The following ASIC2 variants were observed in gnomAD, a reference collection of about 807,000 sequenced individuals.
ASIC2 encodes the protein acid-sensing ion channel 2.
In ASIC2, 25 loss-of-function variants were observed where a neutral mutation model predicts 57.3. The ratio of observed to expected loss-of-function variants is 0.44; its 90% CI spans 0.32 to 0.61. ASIC2 has a LOEUF of 0.61. Among genes scored for constraint, ASIC2 ranks in the 20% least tolerant of loss-of-function variants. The pLI is 0.06. For missense variants in ASIC2, 641 were observed against 738.1 expected (o/e 0.87, Z 1.52); for synonymous variants, 319 against 307.5 (o/e 1.04, Z -0.39).
rs895220502 is a variant in ASIC2, at chr17:33,737,249, A to G, written c.555+418729T>C. ...TGATCAAAAAATAGACTCATTTTACATTTTAATCATCAGTCTCATCAGATT... is the reference window on the plus strand; with the variant it reads ...TGATCAAAAAATAGACTCATTTTACGTTTTAATCATCAGTCTCATCAGATT... On this transcript the variant is annotated intron_variant, in intron 1 of 9. Transcript: ENST00000359872. Among the ~76,000 whole-genome samples, 4 of 152,236 alleles carry G rather than the reference A, an allele frequency of 2.6e-5. No homozygotes were observed. In the East Asian group the frequency reaches 7.7e-4, roughly 29 times the overall value.
At chr17:33,837,037 G>C (rs1913294939) in intron 1 of ASIC2, among the ~76,000 whole-genome samples, 1 of 152,172 alleles carries the variant, frequency 6.6e-6, no homozygotes. Context: ...AGTTCCTACA[G>C]CCTTTTCTTG....
At chr17:33,445,662 C>T (rs918022439) in intron 1 of ASIC2, among the ~76,000 whole-genome samples, 15 of 151,648 alleles carry the variant, frequency 9.9e-5, no homozygotes, top group East Asian at 3.9e-4. Flanking sequence ...CTGGGCGTGG[C>T]GGCTCATGCC....
At chr17:33,078,933 G>C (rs1364901216) in intron 3 of ASIC2, among the ~76,000 whole-genome samples, 2 of 152,198 alleles carry the variant, frequency 1.3e-5, no homozygotes, top group Non-Finnish European at 2.9e-5. Context: ...GCCTAAGTGG[G>C]GCAGTGTGTA....
chr17:33,869,409 A>C lies in ASIC2; in HGVS notation c.555+286569T>G, dbSNP rs528569733. ...TTTAGGTATATACTCAAGAGAAATA[A>C]AAACACATGCCTACATAAAACTTGT... On this transcript the variant is annotated intron_variant, in intron 1 of 9. Coordinates refer to the ASIC2 transcript ENST00000359872. Among the ~76,000 whole-genome samples, 5 of 152,342 alleles carry C rather than the reference A, an allele frequency of 3.3e-5. No individual in the cohort carries two copies. The South Asian group carries it at 1.0e-3, about 32-fold the overall frequency.
chr17:33,017,784 T>G, intron 7 of ASIC2, 100 bp from the exon 8 acceptor site: 1 of 1,090,944 alleles, frequency 9.2e-7, no homozygotes, highest in Non-Finnish European at 1.4e-6. Flanking sequence ...TGGCGCCCCC[T>G]CCATGGGGAG....
chr17:33,967,562 A>G (rs2141995994), intron 1 of ASIC2, among the ~76,000 whole-genome samples: 1 of 152,264 alleles, frequency 6.6e-6, no homozygotes, highest in African/African-American at 2.4e-5. Flanking sequence ...CACAACTTTG[A>G]AGGTGGCTCA....
rs574280995 is a variant in ASIC2 at position 33,547,188 on chromosome 17, T to C, written c.556-435121A>G. On this transcript the variant is annotated intron_variant, in intron 1 of 9. Coordinates refer to the ASIC2 transcript ENST00000359872. ...AGGAACTACAGTTTGAGAAGCACTG[T>C]CCTAGGAGACAGCACAGACACAACA... 7.9e-5 allele frequency among the ~76,000 whole-genome samples: 12 copies of C among 152,222 alleles called. No individual in the cohort carries two copies. The East Asian group carries it at 2.3e-3, about 29-fold the overall frequency.
intron 2 of ASIC2, 103 bp downstream of exon 2, chr17:33,111,814 A>G: frequency 2.1e-6 from 3 of 1,455,762 alleles, no homozygotes; most frequent in Non-Finnish European, 2.8e-6. Context: ...CTTGCTGGAG[A>G]GCAGTCCCTC....
Position 33,995,088 on chromosome 17 carries a change from T to C in ASIC2, c.555+160890A>G, listed in dbSNP as rs77346869. Among the ~76,000 whole-genome samples the C allele has an allele frequency of 5.3e-5, 8 of 152,224 alleles. No homozygotes were observed. The East Asian group carries it at 1.5e-3, about 29-fold the overall frequency. The stretch of plus-strand genomic sequence containing the variant: ...CATGACCTCCATCCAGGACTGTACC[T>C]ATGGCCATGAAGCTCAAATCCCACA... On this transcript the variant is annotated intron_variant, in intron 1 of 9. Transcript: ENST00000359872.
intron 1 of ASIC2, among the ~76,000 whole-genome samples, chr17:33,583,040 G>A (rs2142000757): frequency 6.6e-6 from 1 of 152,336 alleles, no homozygotes; most frequent in South Asian, 2.1e-4. Context: ...TGCAATGAGT[G>A]TGGGGACACT....
chr17:33,912,438 C>T (rs377089581), intron 1 of ASIC2, among the ~76,000 whole-genome samples: 5 of 151,742 alleles, frequency 3.3e-5, no homozygotes, highest in Admixed American at 1.3e-4. Flanking sequence ...GCTGAGATGG[C>T]GCCACTGCAC....
chr17:33,352,797 C>T (rs888761359), intron 1 of ASIC2, among the ~76,000 whole-genome samples: 2 of 152,146 alleles, frequency 1.3e-5, no homozygotes, highest in African/African-American at 2.4e-5. Flanking sequence ...CAGGCTCCAT[C>T]CTGTGCAGTT....
At chr17:33,234,557 C>G in intron 1 of ASIC2, among the ~76,000 whole-genome samples, 1 of 152,150 alleles carries the variant, frequency 6.6e-6, no homozygotes, top group East Asian at 1.9e-4. Context: ...TCTTGCAGTT[C>G]GTTCAGGCTG....
At chr17:33,592,483 T>G (rs1904858118) in intron 1 of ASIC2, among the ~76,000 whole-genome samples, 1 of 152,240 alleles carries the variant, frequency 6.6e-6, no homozygotes, top group Non-Finnish European at 1.5e-5. Context: ...TTGTCTATAG[T>G]GAGTTAGAAT....
At chr17:33,974,899 CT>C (rs1295127052) in intron 1 of ASIC2, among the ~76,000 whole-genome samples, 1 of 152,134 alleles carries the variant, frequency 6.6e-6, no homozygotes, top group Non-Finnish European at 1.5e-5. Flanking sequence ...CTTTTCCTGT[CT>C]TCCTCTCCTG....
chr17:33,759,544 C>T (rs546262920), intron 1 of ASIC2, among the ~76,000 whole-genome samples: 7 of 152,168 alleles, frequency 4.6e-5, no homozygotes, highest in Non-Finnish European at 7.4e-5. Flanking sequence ...TTCCTCAAGA[C>T]AATGGAAGAA....
At chr17:34,100,373 C>A (rs1215023845) in intron 1 of ASIC2, among the ~76,000 whole-genome samples, 1 of 152,098 alleles carries the variant, frequency 6.6e-6, no homozygotes, top group African/African-American at 2.4e-5. Flanking sequence ...ATCATTTATA[C>A]CCAGCTCCAT....
At chr17:33,310,192 G>A (rs1906351885) in intron 1 of ASIC2, among the ~76,000 whole-genome samples, 1 of 151,758 alleles carries the variant, frequency 6.6e-6, no homozygotes, top group East Asian at 1.9e-4. Flanking sequence ...AGTCTGTGGT[G>A]ATAAGAGTTG....
chr17:33,300,880 C>T (rs1279965447), intron 1 of ASIC2, among the ~76,000 whole-genome samples: 1 of 152,080 alleles, frequency 6.6e-6, no homozygotes, highest in Non-Finnish European at 1.5e-5. Context: ...GTGACTTGTC[C>T]CTGGTCACTG....
Sources: gnomAD v4.1 joint callset for allele counts (sites outside exome capture counted in the v4.1 genomes callset) on GRCh38, gnomAD v4.1.1 for gene constraint, MANE v1.5 for transcripts, NCBI Gene and HGNC (gene_info 2026-07-23, HGNC 2026-07-21) for gene names.